MARCHF11: variants seen among roughly 807,000 people sequenced by gnomAD.
The protein encoded by MARCHF11 is E3 ubiquitin-protein ligase MARCHF11.
Under a neutral mutation model 37.3 loss-of-function variants are expected in MARCHF11, and 29 were observed. The observed-to-expected ratio is 0.78, with a 90% CI of 0.58 to 1.06. The LOEUF (loss-of-function observed/expected upper bound fraction) is 1.06. MARCHF11 is among the 50% of genes least tolerant of loss of function. The pLI, the probability that MARCHF11 is intolerant of heterozygous loss-of-function variation, is 0.00. For missense variants in MARCHF11, 482 were observed against 533.4 expected, an observed-to-expected ratio of 0.90 and a Z score of 0.95; for synonymous variants, 233 against 228.0, an observed-to-expected ratio of 1.02 and a Z score of -0.20.
intron 2 of MARCHF11, among the ~76,000 whole-genome samples, chr5:16,091,478 G>T (rs926231986): frequency 1.4e-4 from 21 of 152,094 alleles, no homozygotes; most frequent in African/African-American, 4.6e-4. Context: ...TAATACATTT[G>T]GCTACTGCAA....
chr5:16,127,563 G>A (rs1215339470), intron 2 of MARCHF11, among the ~76,000 whole-genome samples: 4 of 152,208 alleles, frequency 2.6e-5, no homozygotes, highest in Non-Finnish European at 5.9e-5. Context: ...GGTCAACACA[G>A]TAGAAGTTTA....
intron 2 of MARCHF11, among the ~76,000 whole-genome samples, chr5:16,159,646 C>T (rs1199960366): frequency 6.6e-6 from 1 of 151,944 alleles, no homozygotes; most frequent in Admixed American, 6.6e-5. Context: ...AAAATTATTT[C>T]TATCTCTTCT....
intron 1 of MARCHF11, among the ~76,000 whole-genome samples, chr5:16,178,412 C>T (rs1162256932): frequency 6.6e-6 from 1 of 152,190 alleles, no homozygotes. Flanking sequence ...GGGACATATG[C>T]TATCATTTCC....
At chr5:16,170,338 T>C (rs1317221775) in intron 2 of MARCHF11, among the ~76,000 whole-genome samples, 1 of 151,980 alleles carries the variant, frequency 6.6e-6, no homozygotes, top group African/African-American at 2.4e-5. Flanking sequence ...ACATTTTATT[T>C]TTTGAAAAGA....
intron 3 of MARCHF11, among the ~76,000 whole-genome samples, chr5:16,086,300 G>T (rs765339129): frequency 6.6e-6 from 1 of 152,164 alleles, no homozygotes; most frequent in Non-Finnish European, 1.5e-5. Context: ...ACATCAAAAT[G>T]CAGAAAGGGG....
intron 2 of MARCHF11, among the ~76,000 whole-genome samples, chr5:16,105,267 G>A (rs906961123): frequency 6.6e-6 from 1 of 152,128 alleles, no homozygotes; most frequent in Non-Finnish European, 1.5e-5. Context: ...TGTGAGATTT[G>A]GCAGCTCATT....
In MARCHF11 at chr5:16,067,432, T is replaced by C. The variant is rs1018237104; in HGVS notation, c.*39A>G. The C allele has an allele frequency of 1.9e-6, 3 of 1,555,142 alleles. No individual in the cohort carries two copies. The highest frequency in any genetic ancestry group is 4.5e-5 in the East Asian group (2 of 44,028). ...CATTCACTGCAATTACATTGCAAAA[T>C]GTGCAGGGTGGTCCACACTGCATCA... On this transcript the variant is annotated 3_prime_UTR_variant, in exon 4 of 4. Coordinates refer to ENST00000332432, the MANE Select transcript of MARCHF11 (RefSeq NM_001102562.3).
chr5:16,173,239 G>T (rs1161257233), intron 2 of MARCHF11, among the ~76,000 whole-genome samples: 1 of 152,144 alleles, frequency 6.6e-6, no homozygotes, highest in African/African-American at 2.4e-5. Context: ...GATTCCTTTT[G>T]ACTCCCTTTG....
intron 2 of MARCHF11, among the ~76,000 whole-genome samples, chr5:16,140,097 G>A (rs1737677011): frequency 6.6e-6 from 1 of 152,096 alleles, no homozygotes; most frequent in Non-Finnish European, 1.5e-5. Flanking sequence ...CAAGAATACA[G>A]TATTTGCAGA....
intron 2 of MARCHF11, among the ~76,000 whole-genome samples, chr5:16,120,879 G>T (rs1033780142): frequency 6.6e-6 from 1 of 152,158 alleles, no homozygotes; most frequent in Non-Finnish European, 1.5e-5. Context: ...AGCTTCTAGA[G>T]ATATGCACGA....
intron 3 of MARCHF11, among the ~76,000 whole-genome samples, chr5:16,075,505 C>G (rs967640723): frequency 6.6e-6 from 1 of 152,142 alleles, no homozygotes; most frequent in African/African-American, 2.4e-5. Flanking sequence ...TCCCTGACAA[C>G]AGAACCATGT....
At chr5:16,121,256 G>GT (rs1205469929) in intron 2 of MARCHF11, among the ~76,000 whole-genome samples, 9 of 151,592 alleles carry the variant, frequency 5.9e-5, no homozygotes, top group South Asian at 2.1e-4. Context: ...GCATTCCTTT[G>GT]TTTTTTTTGC....
intron 2 of MARCHF11, among the ~76,000 whole-genome samples, chr5:16,151,419 C>T (rs1737884963): frequency 6.6e-6 from 1 of 151,856 alleles, no homozygotes; most frequent in Non-Finnish European, 1.5e-5. Context: ...AAAAGTTGCA[C>T]ATTTTATACT....
intron 2 of MARCHF11, among the ~76,000 whole-genome samples, chr5:16,113,463 C>G (rs555407029): frequency 6.6e-6 from 1 of 152,108 alleles, no homozygotes; most frequent in Non-Finnish European, 1.5e-5. Flanking sequence ...ACTTTAAAAA[C>G]TAGGATTTTA....
At chr5:16,107,333 G>T (rs200599230) in intron 2 of MARCHF11, among the ~76,000 whole-genome samples, 2 of 145,494 alleles carry the variant, frequency 1.4e-5, no homozygotes, top group Non-Finnish European at 3.0e-5. Flanking sequence ...AAGCACTATT[G>T]TTTTTTTTTT....
intron 2 of MARCHF11, among the ~76,000 whole-genome samples, chr5:16,098,926 CTGT>C (rs1299612401): frequency 5.3e-5 from 8 of 152,126 alleles, no homozygotes; most frequent in Non-Finnish European, 1.0e-4. Context: ...AATCTACAAA[CTGT>C]TGTTAGATAA....
intron 2 of MARCHF11, among the ~76,000 whole-genome samples, chr5:16,151,538 C>CT (rs1171168168): frequency 0.033 from 3,685 of 113,166 alleles, 309 homozygotes; most frequent in African/African-American, 0.091. Flanking sequence ...TCAGGCTGAT[C>CT]TTTTTTTTTT....
intron 2 of MARCHF11, among the ~76,000 whole-genome samples, chr5:16,146,525 C>T (rs945528432): frequency 6.6e-6 from 1 of 152,164 alleles, no homozygotes; most frequent in Non-Finnish European, 1.5e-5. Flanking sequence ...CCCTGGGACT[C>T]AGGGACCAGG....
rs573437083 is a variant in MARCHF11, at chr5:16,111,071, T to G, written c.694-19990A>C. Among the ~76,000 whole-genome samples the G allele has an allele frequency of 1.7e-4, 26 of 152,292 alleles. No individual in the cohort carries two copies. In the East Asian group the frequency reaches 5.0e-3, roughly 29 times the overall value. On this transcript the variant is annotated intron_variant, in intron 2 of 3. Transcript: ENST00000332432. ...CTTCTGCCATGATTGGAACCGTGAG[T>G]CCATTAAACCTCTTTTTCTTTATAA...
Sources: allele counts gnomAD v4.1 joint callset (sites outside exome capture counted in the v4.1 genomes callset), GRCh38; gene constraint gnomAD v4.1.1; transcripts MANE v1.5; gene names NCBI Gene and HGNC (gene_info 2026-07-23, HGNC 2026-07-21).